Variants in ACTN1 observed in about 807,000 individuals in gnomAD.
ACTN1 encodes the protein alpha-actinin-1.
In ACTN1, 30 loss-of-function variants were observed where a neutral mutation model predicts 119.6. The ratio of observed to expected loss-of-function variants is 0.25; its 90% CI spans 0.19 to 0.34. The LOEUF (loss-of-function observed/expected upper bound fraction) is 0.34. Among genes scored for constraint, ACTN1 ranks in the 10% least tolerant of loss-of-function variants. The pLI, the probability that ACTN1 is intolerant of heterozygous loss-of-function variation, is 1.00. For synonymous variants in ACTN1, 429 were observed against 472.6 expected, an observed-to-expected ratio of 0.91 and a Z score of 1.20; for missense variants, 764 against 1,223.4, an observed-to-expected ratio of 0.62 and a Z score of 5.60.
At chr14:68,976,214 T>G (rs1484471406) in intron 1 of ACTN1, among the ~76,000 whole-genome samples, 1 of 152,182 alleles carries the variant, frequency 6.6e-6, no homozygotes, top group East Asian at 1.9e-4. Flanking sequence ...AAAGAGGGTC[T>G]TCTGCCTTCT....
rs1594757992 is a variant in ACTN1, at chr14:68,884,169, T to C, written c.1634A>G (p.Gln545Arg). 1 of 1,610,624 alleles carries C rather than the reference T, an allele frequency of 6.2e-7. No individual in the cohort carries two copies. Among genetic ancestry groups the C allele is most frequent in the African/African-American group, 1.3e-5 (1 of 74,828 alleles). ...TFIVHTIEEI[Q>R]GLTTAHEQFK... The stretch of plus-strand genomic sequence containing the variant: ...CCGGGGAGTGGAGGTGGGGCTCACC[T>C]GGATCTCCTCAATGGTGTGCACAAT... Residue 545 changes from glutamine to arginine, a missense_variant and splice_region_variant, in exon 14 of 22, where the codon CAG (glutamine) becomes CGG (arginine). By Grantham distance (43) the Gln-to-Arg change is conservative. Around this residue, in one of 4 missense-constraint regions of ACTN1, gnomAD observed 544 missense variants for 912.0 expected, o/e 0.60. Transcript: ENST00000394419.
At chr14:68,946,872 C>A (rs538343324) in intron 1 of ACTN1, among the ~76,000 whole-genome samples, 1 of 152,318 alleles carries the variant, frequency 6.6e-6, no homozygotes, top group East Asian at 1.9e-4. Flanking sequence ...TTTGCAGGCA[C>A]AATGGACACA....
rs140548434 is a variant in ACTN1, at chr14:68,934,860, G to A, written c.106-9188C>T. Among the ~76,000 whole-genome samples the A allele has an allele frequency of 2.0e-5, 3 of 152,292 alleles. No individual in the cohort carries two copies. The East Asian group carries it at 5.8e-4, about 29-fold the overall frequency. ...AAAAAAGCAGGATTCAAGACTGTAT[G>A]TACTGCAAGTTTAAAACTATGTGGG... On this transcript the variant is annotated intron_variant, in intron 1 of 21. Transcript: ENST00000394419.
At chr14:68,922,665 G>A (rs1049028113) in intron 2 of ACTN1, among the ~76,000 whole-genome samples, 2 of 152,148 alleles carry the variant, frequency 1.3e-5, no homozygotes, top group East Asian at 1.9e-4. Context: ...GGTTAAACAC[G>A]GGAGAATGGA....
At chr14:68,934,578 C>G (rs1387367001) in intron 1 of ACTN1, among the ~76,000 whole-genome samples, 1 of 152,184 alleles carries the variant, frequency 6.6e-6, no homozygotes, top group Non-Finnish European at 1.5e-5. Flanking sequence ...GGGCACCAGC[C>G]CTTAGCCCAA....
At chr14:68,934,002 G>A (rs568490194) in intron 1 of ACTN1, among the ~76,000 whole-genome samples, 2 of 150,022 alleles carry the variant, frequency 1.3e-5, no homozygotes, top group East Asian at 3.9e-4. Context: ...AAAAAATCTA[G>A]ATTTTTATGT....
intron 1 of ACTN1, among the ~76,000 whole-genome samples, chr14:68,964,589 G>A (rs1462661886): frequency 6.6e-6 from 1 of 152,190 alleles, no homozygotes; most frequent in East Asian, 1.9e-4. Flanking sequence ...TGGCCAGGCA[G>A]CCCTGAAATC....
intron 1 of ACTN1, among the ~76,000 whole-genome samples, chr14:68,959,685 A>G (rs2036461120): frequency 6.6e-6 from 1 of 152,216 alleles, no homozygotes; most frequent in South Asian, 2.1e-4. Context: ...AGAAGCAGAG[A>G]GTAGAATGGT....
chr14:68,957,781 GAAGC>G (rs769466780), intron 1 of ACTN1, among the ~76,000 whole-genome samples: 1,866 of 152,266 alleles, frequency 0.012, 37 homozygotes, highest in African/African-American at 0.043. Context: ...CCCTGCCCTG[GAAGC>G]TTCCTCCTAA....
intron 1 of ACTN1, among the ~76,000 whole-genome samples, chr14:68,962,098 A>G (rs954462697): frequency 2.6e-5 from 4 of 152,204 alleles, no homozygotes; most frequent in African/African-American, 9.7e-5. Context: ...GCCAAGGTTT[A>G]GCCAACTAGG....
intron 21 of ACTN1, among the ~76,000 whole-genome samples, chr14:68,876,485 G>A (rs977108326): frequency 6.6e-6 from 1 of 152,048 alleles, no homozygotes; most frequent in Non-Finnish European, 1.5e-5. Context: ...GATGGCTGTG[G>A]TTCTGGGTAA....
At chr14:68,886,386 A>G (rs2032007755) in intron 11 of ACTN1, 1 of 152,224 alleles carries the variant, frequency 6.6e-6, no homozygotes, top group Admixed American at 6.5e-5. Context: ...GGTAATATAT[A>G]AAGCTTAGGA....
intron 3 of ACTN1, among the ~76,000 whole-genome samples, chr14:68,912,533 C>T (rs1382877839): frequency 6.6e-6 from 1 of 152,112 alleles, no homozygotes; most frequent in Non-Finnish European, 1.5e-5. Flanking sequence ...TAGGCCACCA[C>T]ACCCGGCTAA....
intron 1 of ACTN1, among the ~76,000 whole-genome samples, chr14:68,949,647 T>C (rs1388355308): frequency 6.6e-6 from 1 of 152,208 alleles, no homozygotes; most frequent in African/African-American, 2.4e-5. Flanking sequence ...AACAGGTATT[T>C]GTACACCCAC....
intron 1 of ACTN1, among the ~76,000 whole-genome samples, chr14:68,973,422 C>T (rs2036959519): frequency 6.6e-6 from 1 of 152,078 alleles, no homozygotes; most frequent in South Asian, 2.1e-4. Flanking sequence ...GGGGCTTTTC[C>T]CCACCTTCGC....
intron 1 of ACTN1, among the ~76,000 whole-genome samples, chr14:68,942,036 C>G (rs2035776756): frequency 6.6e-6 from 1 of 152,112 alleles, no homozygotes; most frequent in Non-Finnish European, 1.5e-5. Flanking sequence ...AACCCAAGCC[C>G]GCAGGATGCC....
At chr14:68,935,387 A>ATTTT (rs560204692) in intron 1 of ACTN1, among the ~76,000 whole-genome samples, 6 of 56,394 alleles carry the variant, frequency 1.1e-4, no homozygotes, top group Non-Finnish European at 1.8e-4. Flanking sequence ...CTCTCTGTTC[A>ATTTT]TTTTTTTTTT....
intron 6 of ACTN1, among the ~76,000 whole-genome samples, chr14:68,906,000 C>T (rs114521719): frequency 0.18 from 25,428 of 143,026 alleles, 2,565 homozygotes; most frequent in Non-Finnish European, 0.21. Flanking sequence ...AAAAAAAAAA[C>T]AGCAAACACC....
intron 1 of ACTN1, among the ~76,000 whole-genome samples, chr14:68,940,988 C>G (rs2035745182): frequency 6.6e-6 from 1 of 152,184 alleles, no homozygotes; most frequent in African/African-American, 2.4e-5. Flanking sequence ...GGCATAGTGA[C>G]TGGGAACTCT....
Sources: allele counts gnomAD v4.1 joint callset (sites outside exome capture counted in the v4.1 genomes callset), GRCh38; gene constraint gnomAD v4.1.1; regional missense constraint gnomAD v4.1.1; transcripts MANE v1.5; gene names NCBI Gene and HGNC (gene_info 2026-07-23, HGNC 2026-07-21).